The following HTR3B variants were observed in gnomAD, a reference collection of about 807,000 sequenced individuals.
The protein encoded by HTR3B is 5-hydroxytryptamine receptor 3B.
A neutral mutation model predicts 42.8 loss-of-function variants in HTR3B; 44 were observed. The observed-to-expected ratio is 1.03, with a 90% CI of 0.81 to 1.32. HTR3B has a LOEUF of 1.32. Ranked by LOEUF, HTR3B falls within the 40% of genes most tolerant of loss-of-function variation. HTR3B has a pLI of 0.00. For missense variants in HTR3B, 527 were observed against 536.5 expected (o/e 0.98, Z 0.17); for synonymous variants, 203 against 209.0 (o/e 0.97, Z 0.25).
At chr11:113,912,869 T>C (rs893303334) in intron 2 of HTR3B, among the ~76,000 whole-genome samples, 1 of 151,832 alleles carries the variant, frequency 6.6e-6, no homozygotes, top group Non-Finnish European at 1.5e-5. Flanking sequence ...ATTTAAGCCT[T>C]CTCTTATTTT....
In HTR3B at chr11:113,913,350, A is replaced by ATTTTTTTTTTTTTTTTTTTTTT. The variant is rs71063533; in HGVS notation, c.213+3906_213+3927dup. Among the ~76,000 whole-genome samples the ATTTTTTTTTTTTTTTTTTTTTT allele has an allele frequency of 2.6e-4, 16 of 61,520 alleles. 1 individual carries two copies. Among genetic ancestry groups the ATTTTTTTTTTTTTTTTTTTTTT allele is most frequent in the African/African-American group, 4.3e-4 (6 of 13,944 alleles). 40.4% of individuals were successfully genotyped at this position (61,520 alleles called of 152,430 possible). A position where few individuals can be genotyped will look rare whatever the true frequency, so the allele number is the denominator to read the frequency against. On this transcript the variant is annotated intron_variant, in intron 2 of 8. Transcript: ENST00000260191. ...AGGTGCCTGCCACCATGTCTGGCTA[A>ATTTTTTTTTTTTTTTTTTTTTT]TTTTTTTTTTTTTTTTTTTTTTTTT...
At chr11:113,905,670 A>C (rs1949728728) in intron 1 of HTR3B, among the ~76,000 whole-genome samples, 1 of 152,178 alleles carries the variant, frequency 6.6e-6, no homozygotes, top group African/African-American at 2.4e-5. Context: ...GATACAATTG[A>C]TTCTTAGTAC....
chr11:113,919,265 C>G (rs1478852354), intron 2 of HTR3B, among the ~76,000 whole-genome samples: 2 of 152,090 alleles, frequency 1.3e-5, no homozygotes, highest in African/African-American at 4.8e-5. Context: ...ACGAAACTTA[C>G]AACAGTAAAA....
At chr11:113,933,122 C>T in intron 6 of HTR3B, 29 bp downstream of exon 6, 5 of 1,599,904 alleles carry the variant, frequency 3.1e-6, no homozygotes, top group Non-Finnish European at 4.3e-6. Flanking sequence ...GTCCCCGTTG[C>T]CCGCTTCTCC....
intron 6 of HTR3B, among the ~76,000 whole-genome samples, chr11:113,941,829 C>A (rs1950137322): frequency 6.6e-6 from 1 of 152,182 alleles, no homozygotes; most frequent in African/African-American, 2.4e-5. Flanking sequence ...CAGGTCTGGT[C>A]ACCACTCCAG....
rs549925630 is a variant in HTR3B, at chr11:113,928,816, C to T, written c.214-2568C>T. Among the ~76,000 whole-genome samples the T allele has an allele frequency of 4.6e-5, 7 of 152,296 alleles. No individual in the cohort carries two copies. The South Asian group carries it at 1.4e-3, about 32-fold the overall frequency. On this transcript the variant is annotated intron_variant, in intron 2 of 8. Transcript: ENST00000260191. ...CCTCCCAAAGTGCTGGGATTACAGG[C>T]GTGAGCCACCGCGCCCAGCTGTAGA...
In HTR3B at chr11:113,946,747, A is replaced by C. The variant is rs1297700008; in HGVS notation, c.*610A>C. On this transcript the variant is annotated 3_prime_UTR_variant, in exon 9 of 9. Coordinates refer to ENST00000260191, the MANE Select transcript of HTR3B (RefSeq NM_006028.5). ...TTTCTTCCAGAAGATTTCTAGGCAC[A>C]CACATGCATCTATGTATGGTTAAGC... Among the ~76,000 whole-genome samples the C allele has an allele frequency of 6.6e-6, 1 of 152,250 alleles. No individual in the cohort carries two copies. Among genetic ancestry groups the C allele is most frequent in the African/African-American group, 2.4e-5 (1 of 41,472 alleles).
At chr11:113,944,498 C>G in intron 7 of HTR3B, 75 bp from the exon 8 acceptor site, 1 of 1,418,718 alleles carries the variant, frequency 7.0e-7, no homozygotes, top group Non-Finnish European at 9.8e-7. Context: ...AAGACCCTGT[C>G]CCTAAAGAAA....
intron 2 of HTR3B, among the ~76,000 whole-genome samples, chr11:113,922,377 G>T (rs1949924438): frequency 6.6e-6 from 1 of 151,940 alleles, no homozygotes; most frequent in Admixed American, 6.6e-5. Context: ...GGTACTATAG[G>T]TGTATACCAC....
intron 7 of HTR3B, among the ~76,000 whole-genome samples, chr11:113,944,342 T>TA (rs1010642611): frequency 9.3e-5 from 14 of 151,292 alleles, no homozygotes; most frequent in Admixed American, 5.3e-4. Context: ...CTACCAAAAA[T>TA]AAAAAAAAAT....
Position 113,948,133 on chromosome 11 carries a change from C to T in HTR3B, c.*1996C>T, listed in dbSNP as rs1216754878. On this transcript the variant is annotated 3_prime_UTR_variant, in exon 9 of 9. Coordinates refer to ENST00000260191, the MANE Select transcript of HTR3B (RefSeq NM_006028.5). The stretch of plus-strand genomic sequence containing the variant: ...ATGAGGAACATAAGAAGTTTGTGAA[C>T]AGGAAGTGTCCATGCAAACCTCCAC... 2.0e-5 allele frequency among the ~76,000 whole-genome samples: 3 copies of T among 152,174 alleles called. No individual in the cohort carries two copies. Among genetic ancestry groups the T allele is most frequent in the Non-Finnish European group, 4.4e-5 (3 of 68,022 alleles).
At chr11:113,931,305 T>C (rs1390677074) in intron 2 of HTR3B, 79 bp from the exon 3 acceptor site, 7 of 1,024,594 alleles carry the variant, frequency 6.8e-6, no homozygotes, top group Non-Finnish European at 1.1e-5. Context: ...TTTCTTCTTC[T>C]GAATTTCCTT....
In HTR3B at chr11:113,944,637, CAAA is replaced by C; in HGVS notation, c.973_975del (p.Lys325del). The C allele has an allele frequency of 6.2e-7, 1 of 1,614,180 alleles. No individual in the cohort carries two copies. Among genetic ancestry groups the C allele is most frequent in the Non-Finnish European group, 8.5e-7 (1 of 1,180,036 alleles). On this transcript the variant is annotated inframe_deletion, in exon 8 of 9. Transcript: ENST00000260191. ...GCTTAGCTAAGTCCATCGTGTTGGT[CAAA>C]TTCCTCCATGATGAGCAGCGTGGTG...
chr11:113,932,919 GT>G lies in HTR3B; in HGVS notation c.539-14del, dbSNP rs760980760. On this transcript the variant is annotated splice_polypyrimidine_tract_variant and intron_variant, in intron 5 of 8. Coordinates refer to ENST00000260191, the MANE Select transcript of HTR3B (RefSeq NM_006028.5). ...CTCTTTCTCTCTGGGAAAGTCAATT[GT>G]TTGTGTTGTTTGCAGTGGAAGACGT... 6.2e-7 allele frequency: 1 copy of G among 1,611,506 alleles called. No individual in the cohort carries two copies. The highest frequency in any genetic ancestry group is 1.3e-5 in the African/African-American group (1 of 74,754).
At chr11:113,930,547 G>A (rs1219873044) in intron 2 of HTR3B, among the ~76,000 whole-genome samples, 3 of 142,134 alleles carry the variant, frequency 2.1e-5, no homozygotes, top group Non-Finnish European at 4.5e-5. Flanking sequence ...GGAGTGCAGT[G>A]GCACAAACAT....
At chr11:113,912,345 G>T (rs1037416436) in intron 2 of HTR3B, among the ~76,000 whole-genome samples, 1 of 152,082 alleles carries the variant, frequency 6.6e-6, no homozygotes, top group African/African-American at 2.4e-5. Flanking sequence ...CCGGGTTCAC[G>T]CCATTCTCCT....
intron 2 of HTR3B, among the ~76,000 whole-genome samples, chr11:113,928,120 G>C (rs1949995036): frequency 6.6e-6 from 1 of 152,128 alleles, no homozygotes; most frequent in Admixed American, 6.5e-5. Context: ...ACTTATGAGT[G>C]AGAACATGTG....
chr11:113,912,457 A>G (rs566280659), intron 2 of HTR3B, among the ~76,000 whole-genome samples: 1 of 152,142 alleles, frequency 6.6e-6, no homozygotes, highest in African/African-American at 2.4e-5. Flanking sequence ...GTTAGCCAGG[A>G]TGGTCTCGAT....
intron 6 of HTR3B, among the ~76,000 whole-genome samples, chr11:113,934,039 A>C (rs901550098): frequency 3.3e-5 from 5 of 152,238 alleles, no homozygotes; most frequent in African/African-American, 9.6e-5. Flanking sequence ...AGGAAAACTT[A>C]GACTAGACTA....
Sources: gnomAD v4.1 joint callset for allele counts (sites outside exome capture counted in the v4.1 genomes callset) on GRCh38, gnomAD v4.1.1 for gene constraint, MANE v1.5 for transcripts, NCBI Gene and HGNC (gene_info 2026-07-23, HGNC 2026-07-21) for gene names.